CEP112: variants seen among roughly 807,000 people sequenced by gnomAD.
CEP112 encodes the protein centrosomal protein of 112 kDa.
A neutral mutation model predicts 153.0 loss-of-function variants in CEP112; 127 were observed. That is an observed-to-expected ratio of 0.83 (90% confidence interval 0.72 to 0.96). CEP112 has a LOEUF of 0.96. Among genes scored for constraint, CEP112 ranks in the 40% least tolerant of loss-of-function variants. The pLI is 0.00. For synonymous variants in CEP112, 358 were observed against 374.4 expected (o/e 0.96, Z 0.51); for missense variants, 1,089 against 1,101.2 (o/e 0.99, Z 0.16).
intron 20 of CEP112, among the ~76,000 whole-genome samples, chr17:65,898,920 CA>C (rs904387991): frequency 2.8e-4 from 43 of 152,210 alleles, no homozygotes; most frequent in African/African-American, 1.0e-3. Context: ...AAACATCAAG[CA>C]ATCTCTAAAT....
At chr17:66,099,705 G>A (rs946863273) in intron 6 of CEP112, among the ~76,000 whole-genome samples, 6 of 151,802 alleles carry the variant, frequency 4.0e-5, no homozygotes, top group African/African-American at 1.2e-4. Flanking sequence ...AGATAATCAT[G>A]AACAGAAAAA....
intron 4 of CEP112, among the ~76,000 whole-genome samples, chr17:66,161,859 G>A (rs956590566): frequency 5.4e-5 from 8 of 149,378 alleles, no homozygotes; most frequent in African/African-American, 9.9e-5. Flanking sequence ...AACTCTGCAC[G>A]AATTTAAAAA....
At chr17:66,089,780 T>C (rs2068068611) in intron 8 of CEP112, among the ~76,000 whole-genome samples, 2 of 152,084 alleles carry the variant, frequency 1.3e-5, no homozygotes, top group Admixed American at 6.5e-5. Flanking sequence ...AAATAATAGC[T>C]AAAAACTTTC....
intron 18 of CEP112, among the ~76,000 whole-genome samples, chr17:65,948,064 G>C (rs1274476368): frequency 6.6e-6 from 1 of 152,108 alleles, no homozygotes; most frequent in African/African-American, 2.4e-5. Context: ...TTGCTTCCTT[G>C]TAAGTTGAGA....
At chr17:66,026,651 G>A (rs2065224181) in intron 16 of CEP112, among the ~76,000 whole-genome samples, 2 of 152,116 alleles carry the variant, frequency 1.3e-5, no homozygotes. Context: ...GGCCCCTTTA[G>A]GATACCAAAA....
Position 65,961,468 on chromosome 17 carries a change from C to A in CEP112, c.1867G>T (p.Glu623Ter). Residue 623 changes from glutamate (E) to a stop codon, truncating the protein, a stop_gained, in exon 18 of 27, where the codon GAG becomes TAG. Transcript: ENST00000535342. LOFTEE classifies it high-confidence loss of function. ...TGGTGTGGCAGCCTCCTTACCTGCT[C>A]TTTCATTTCAGCATAGACTTTCTCT... Reference protein sequence around the residue: ...NSEKVYAEMKEQMEKVEADLT... With the variant: ...NSEKVYAEMK The A allele has an allele frequency of 6.2e-7, 1 of 1,604,998 alleles. No individual in the cohort carries two copies. The highest frequency in any genetic ancestry group is 8.5e-7 in the Non-Finnish European group (1 of 1,172,864).
chr17:65,851,765 A>G (rs773741553), intron 21 of CEP112, 39 bp downstream of exon 21: 2 of 1,459,790 alleles, frequency 1.4e-6, no homozygotes, highest in Non-Finnish European at 9.5e-7. Flanking sequence ...TTAAACATGG[A>G]TTTCAACTGC....
chr17:65,793,030 A>G (rs767178047), intron 21 of CEP112, among the ~76,000 whole-genome samples: 22 of 152,204 alleles, frequency 1.4e-4, no homozygotes, highest in Non-Finnish European at 2.2e-4. Flanking sequence ...CTGTCTACAG[A>G]AAGCTTACCC....
chr17:65,844,471 G>A (rs1321341961), intron 21 of CEP112, among the ~76,000 whole-genome samples: 1 of 152,002 alleles, frequency 6.6e-6, no homozygotes, highest in Non-Finnish European at 1.5e-5. Flanking sequence ...GATCACCTGA[G>A]GTCAGGAGTT....
intron 6 of CEP112, among the ~76,000 whole-genome samples, chr17:66,097,533 C>T (rs1181696575): frequency 2.0e-5 from 3 of 152,160 alleles, no homozygotes; most frequent in African/African-American, 7.2e-5. Flanking sequence ...AAAGGAGTAA[C>T]CTGTACCTGA....
chr17:65,969,048 A>T, intron 17 of CEP112, among the ~76,000 whole-genome samples: 1 of 150,260 alleles, frequency 6.7e-6, no homozygotes, highest in East Asian at 2.0e-4. Context: ...TGATTAAGAC[A>T]TTATATCAGT....
rs1022196828 is a variant in CEP112, at chr17:65,821,495, AT to A, written c.2394+30308del. Among the ~76,000 whole-genome samples, 104 of 122,282 alleles carry A rather than the reference AT, an allele frequency of 8.5e-4. 1 individual carries two copies. Among genetic ancestry groups the A allele is most frequent in the African/African-American group, 3.2e-3 (100 of 31,546 alleles). 80.2% of individuals were successfully genotyped at this position (122,282 alleles called of 152,430 possible). A position where few individuals can be genotyped will look rare whatever the true frequency, so the allele number is the denominator to read the frequency against. ...TCAAATTATTAAACTTATATATATA[AT>A]TATATATATATATATAATTATATAT... On this transcript the variant is annotated intron_variant, in intron 21 of 26. Transcript: ENST00000535342.
intron 20 of CEP112, among the ~76,000 whole-genome samples, chr17:65,866,141 C>T (rs1306160665): frequency 6.6e-6 from 1 of 152,164 alleles, no homozygotes; most frequent in Non-Finnish European, 1.5e-5. Context: ...CTGGGAAGGC[C>T]CCCCATTTCC....
chr17:65,889,506 C>G (rs1023528221), intron 20 of CEP112, among the ~76,000 whole-genome samples: 1 of 152,106 alleles, frequency 6.6e-6, no homozygotes, highest in Non-Finnish European at 1.5e-5. Context: ...TTCCCTGCCT[C>G]TCTCTCTTGA....
intron 4 of CEP112, among the ~76,000 whole-genome samples, chr17:66,149,884 G>T (rs143705847): frequency 0.025 from 1,159 of 46,558 alleles, 16 homozygotes; most frequent in Non-Finnish European, 0.027. Context: ...TTTTTTGTTT[G>T]TTTGTTTTTT....
intron 21 of CEP112, among the ~76,000 whole-genome samples, chr17:65,793,783 A>G (rs543516572): frequency 6.6e-6 from 1 of 152,328 alleles, no homozygotes; most frequent in East Asian, 1.9e-4. Context: ...CTACAGAAAA[A>G]TAGCATTTGT....
At chr17:65,967,419 ACAAGGGTGCTGGCAG>A (rs2062453728) in intron 17 of CEP112, among the ~76,000 whole-genome samples, 1 of 152,228 alleles carries the variant, frequency 6.6e-6, no homozygotes, top group African/African-American at 2.4e-5. Context: ...GGGAGCAGAA[ACAAGGGTGCTGGCAG>A]CAAATTCTAA....
chr17:65,920,386 T>A (rs1168227882), intron 19 of CEP112, among the ~76,000 whole-genome samples: 1 of 107,820 alleles, frequency 9.3e-6, no homozygotes, highest in African/African-American at 3.7e-5. Flanking sequence ...TATATATATA[T>A]ATATATATAT....
intron 24 of CEP112, among the ~76,000 whole-genome samples, chr17:65,655,941 C>A (rs957992554): frequency 2.0e-5 from 3 of 152,180 alleles, no homozygotes; most frequent in Non-Finnish European, 1.5e-5. Context: ...TAGAATTTCT[C>A]AAGACACATG....
Sources: gnomAD v4.1 joint callset for allele counts (sites outside exome capture counted in the v4.1 genomes callset) on GRCh38, gnomAD v4.1.1 for gene constraint, MANE v1.5 for transcripts, NCBI Gene and HGNC (gene_info 2026-07-23, HGNC 2026-07-21) for gene names.